TOM1L2: variants seen among roughly 807,000 people sequenced by gnomAD.
TOM1L2 encodes target of myb1 like 2 membrane trafficking protein.
TOM1L2 carries 31 observed loss-of-function variants against 67.9 expected under a neutral mutation model. The observed-to-expected ratio is 0.46, with a 90% CI of 0.34 to 0.62. The LOEUF (loss-of-function observed/expected upper bound fraction) is 0.62, where lower values mean the gene tolerates loss of function less well. Among genes scored for constraint, TOM1L2 ranks in the 20% least tolerant of loss-of-function variants. The pLI is 0.01. For missense variants in TOM1L2, 606 were observed against 663.5 expected (o/e 0.91, Z 0.95); for synonymous variants, 256 against 254.0 (o/e 1.01, Z -0.07).
rs568392790 is a variant in TOM1L2, at chr17:17,846,107, A to T, written c.*1528T>A. 1 of 152,344 alleles carries T rather than the reference A, an allele frequency of 6.6e-6. No individual in the cohort carries two copies. Among genetic ancestry groups the T allele is most frequent in the South Asian group, 2.1e-4 (1 of 4,820 alleles). The allele number at this position is 152,344 out of a possible 1,614,324, so 9.4% of individuals were successfully genotyped here. On this transcript the variant is annotated 3_prime_UTR_variant, in exon 15 of 15. Transcript: ENST00000379504. Reference sequence around the variant, plus strand: ...CCCCCAGCTGAAGTCGCCATCCTGAATGCTCCCCAACGACCATGTCGCTGG... The same window carrying T: ...CCCCCAGCTGAAGTCGCCATCCTGATTGCTCCCCAACGACCATGTCGCTGG...
chr17:17,918,995 G>A (rs188835145), intron 1 of TOM1L2, among the ~76,000 whole-genome samples: 164 of 152,236 alleles, frequency 1.1e-3, no homozygotes, highest in Middle Eastern at 6.8e-3. Flanking sequence ...ATGAGAGCTC[G>A]GTTCCCAGCT....
In TOM1L2 at chr17:17,869,659, A is replaced by G. The variant is rs2037052001; in HGVS notation, c.778-186T>C. ...TCACTGCCTGCCCCTCCTTCCGCAG[A>G]GGAAACAAGTACTTTTTCAGCAGAC... On this transcript the variant is annotated intron_variant, in intron 7 of 14. Coordinates refer to ENST00000379504, the MANE Select transcript of TOM1L2 (RefSeq NM_001082968.2). The G allele has an allele frequency of 5.1e-6, 7 of 1,384,214 alleles. No individual in the cohort carries two copies. The South Asian group carries it at 1.3e-4, about 25-fold the overall frequency. 85.7% of individuals were successfully genotyped at this position (1,384,214 alleles called of 1,614,324 possible). A position where few individuals can be genotyped will look rare whatever the true frequency, so the allele number is the denominator to read the frequency against.
chr17:17,956,774 C>G (rs1467547714), intron 1 of TOM1L2, among the ~76,000 whole-genome samples: 1 of 152,230 alleles, frequency 6.6e-6, no homozygotes, highest in Non-Finnish European at 1.5e-5. Context: ...GGTGCTGGGC[C>G]CGCTGAGCTC....
intron 7 of TOM1L2, chr17:17,869,940 G>A (rs1020431139): frequency 6.3e-6 from 1 of 158,150 alleles, no homozygotes; most frequent in East Asian, 1.8e-4. Context: ...ATGAACACCT[G>A]TACACACACA....
At chr17:17,971,141 A>G (rs1046077684) in intron 1 of TOM1L2, among the ~76,000 whole-genome samples, 6 of 152,134 alleles carry the variant, frequency 3.9e-5, no homozygotes, top group Admixed American at 3.3e-4. Context: ...TTCTCTCTAC[A>G]TTGCCAACAA....
intron 1 of TOM1L2, among the ~76,000 whole-genome samples, chr17:17,946,327 C>T (rs1195317994): frequency 1.3e-5 from 2 of 152,094 alleles, no homozygotes; most frequent in African/African-American, 4.8e-5. Context: ...ATATATTCAT[C>T]ATCCTAAAAA....
rs542055161 is a variant in TOM1L2 at position 17,942,420 on chromosome 17, T to A, written c.52+29842A>T. On this transcript the variant is annotated intron_variant, in intron 1 of 14. Transcript: ENST00000379504. ...CTGGCTTTAACCCTCAATCATATCATATGTAAAATGGGGATTAAAAACTAT... is the reference window on the plus strand; with the variant it reads ...CTGGCTTTAACCCTCAATCATATCAAATGTAAAATGGGGATTAAAAACTAT... Among the ~76,000 whole-genome samples the A allele has an allele frequency of 2.0e-5, 3 of 152,296 alleles. No homozygotes were observed. In the South Asian group the frequency reaches 6.2e-4, roughly 32 times the overall value.
intron 7 of TOM1L2, chr17:17,869,761 T>C: frequency 9.9e-7 from 1 of 1,005,820 alleles, no homozygotes; most frequent in Non-Finnish European, 1.2e-6. Context: ...AATGTGATTC[T>C]TTCCAGATTG....
chr17:17,946,948 C>A (rs1412171550), intron 1 of TOM1L2, among the ~76,000 whole-genome samples: 1 of 152,226 alleles, frequency 6.6e-6, no homozygotes, highest in Non-Finnish European at 1.5e-5. Context: ...TGGTCTCGAG[C>A]TCCTGACCTC....
chr17:17,892,612 C>G (rs565207531), intron 4 of TOM1L2, among the ~76,000 whole-genome samples: 2 of 152,088 alleles, frequency 1.3e-5, no homozygotes, highest in East Asian at 3.9e-4. Context: ...CCTGCCTGCT[C>G]CCCCACCCCA....
intron 1 of TOM1L2, among the ~76,000 whole-genome samples, chr17:17,962,841 G>A (rs1251154701): frequency 6.6e-6 from 1 of 151,858 alleles, no homozygotes; most frequent in Non-Finnish European, 1.5e-5. Context: ...CGTGCCTGTA[G>A]TCCCAGCTAC....
At chr17:17,944,860 G>C (rs1173685585) in intron 1 of TOM1L2, among the ~76,000 whole-genome samples, 1 of 152,170 alleles carries the variant, frequency 6.6e-6, no homozygotes, top group Non-Finnish European at 1.5e-5. Context: ...ATGTCTGCCT[G>C]ATGGCAATGG....
chr17:17,853,177 G>A (rs1291103136), intron 12 of TOM1L2, among the ~76,000 whole-genome samples: 1 of 152,230 alleles, frequency 6.6e-6, no homozygotes, highest in Non-Finnish European at 1.5e-5. Context: ...GCCTCTGGGA[G>A]GACGCATGCC....
At chr17:17,933,759 G>C (rs914340874) in intron 1 of TOM1L2, among the ~76,000 whole-genome samples, 4 of 152,180 alleles carry the variant, frequency 2.6e-5, no homozygotes, top group Non-Finnish European at 4.4e-5. Flanking sequence ...CCACTCGTTT[G>C]TTACAACCAC....
chr17:17,844,035 T>G lies in TOM1L2; in HGVS notation c.*3600A>C, dbSNP rs891617002. 5 of 152,338 alleles carry G rather than the reference T, an allele frequency of 3.3e-5. No individual in the cohort carries two copies. The highest frequency in any genetic ancestry group is 1.2e-4 in the African/African-American group (5 of 41,418). The allele number at this position is 152,338 out of a possible 1,614,324, so 9.4% of individuals were successfully genotyped here. A position where few individuals can be genotyped will look rare whatever the true frequency, so the allele number is the denominator to read the frequency against. On this transcript the variant is annotated 3_prime_UTR_variant, in exon 15 of 15. Transcript: ENST00000379504. ...TGGGGAAGGCCTACTGTAACCCAAG[T>G]GGGTGAGACGTCCCCAAAGCCGACA...
intron 1 of TOM1L2, among the ~76,000 whole-genome samples, chr17:17,914,198 G>A (rs2039529176): frequency 2.0e-5 from 3 of 152,166 alleles, no homozygotes; most frequent in Admixed American, 2.0e-4. Flanking sequence ...AGCAGGGGCA[G>A]GAGGCAGGCA....
chr17:17,865,665 T>G (rs1341266619), intron 10 of TOM1L2, among the ~76,000 whole-genome samples: 1 of 149,852 alleles, frequency 6.7e-6, no homozygotes, highest in Admixed American at 6.7e-5. Flanking sequence ...GCGCCCGGCC[T>G]TGACCTAGTT....
At chr17:17,865,742 CTTTT>C (rs35408977) in intron 10 of TOM1L2, among the ~76,000 whole-genome samples, 2 of 103,530 alleles carry the variant, frequency 1.9e-5, no homozygotes, top group African/African-American at 3.4e-5. Context: ...GGTGACCTTT[CTTTT>C]TTTTTTTTTT....
intron 13 of TOM1L2, among the ~76,000 whole-genome samples, chr17:17,850,091 C>A (rs925792035): frequency 1.3e-5 from 2 of 152,124 alleles, no homozygotes; most frequent in Admixed American, 6.5e-5. Flanking sequence ...GGGACAAGGC[C>A]CCCTACAGAG....
Sources: allele counts gnomAD v4.1 joint callset (sites outside exome capture counted in the v4.1 genomes callset), GRCh38; gene constraint gnomAD v4.1.1; transcripts MANE v1.5; gene names NCBI Gene and HGNC (gene_info 2026-07-23, HGNC 2026-07-21).